The following USP8 variants were observed in gnomAD, a reference collection of about 807,000 sequenced individuals.
The protein encoded by USP8 is ubiquitin carboxyl-terminal hydrolase 8.
USP8 carries 27 observed loss-of-function variants against 130.0 expected under a neutral mutation model. The ratio of observed to expected loss-of-function variants is 0.21; its 90% confidence interval spans 0.15 to 0.29. USP8 has a LOEUF of 0.29. Among genes scored for constraint, USP8 ranks in the 10% least tolerant of loss-of-function variants. USP8 has a pLI of 1.00. For synonymous variants in USP8, 392 were observed against 444.1 expected, an observed-to-expected ratio of 0.88 and a Z score of 1.48; for missense variants, 1,029 against 1,312.2, an observed-to-expected ratio of 0.78 and a Z score of 3.33.
At chr15:50,479,993 T>C (rs1214917248) in intron 10 of USP8, among the ~76,000 whole-genome samples, 1 of 152,158 alleles carries the variant, frequency 6.6e-6, no homozygotes, top group East Asian at 1.9e-4. Context: ...ACTCCTGGCC[T>C]CAAGTGATCT....
rs1267239386 is a variant in USP8, at chr15:50,481,707, T to G, written c.1445T>G (p.Leu482Arg). The change falls in exon 11 of 20, where the codon CTT becomes CGT. Residue 482 changes from leucine (L) to arginine (R), a missense_variant. Transcript: ENST00000307179. ...LMEKNKQEKE[L>R]RERQQEEQKE... The stretch of plus-strand genomic sequence containing the variant: ...GAAAAAAACAAACAAGAAAAAGAAC[T>G]TCGGGAAAGGCAGCAAGAGGAACAG... 6.2e-7 allele frequency: 1 copy of G among 1,610,782 alleles called. No homozygotes were observed. Among genetic ancestry groups the G allele is most frequent in the Non-Finnish European group, 8.5e-7 (1 of 1,179,366 alleles).
Position 50,477,480 on chromosome 15 carries a change from G to C in USP8, c.1199G>C (p.Ser400Thr). Residue 400 changes from serine to threonine, a missense_variant, in exon 10 of 20, where the codon AGT (serine) becomes ACT (threonine). By Grantham distance (58) the Ser-to-Thr change is moderately conservative. This residue lies in a region of USP8 where 486 missense variants were observed against 522.0 expected (regional missense o/e 0.93). Coordinates refer to ENST00000307179, the MANE Select transcript of USP8 (RefSeq NM_005154.5). ...TCACCCATAATTCAGCCAGTGCCTA[G>C]TATAAAGAATGTTCCACAGGTATGT... is the stretch of plus-strand genomic sequence containing the variant. ...DVSPIIQPVP[S>T]IKNVPQIDRT... is the part of the protein sequence containing the mutation. 6.2e-7 allele frequency: 1 copy of C among 1,612,994 alleles called. No individual in the cohort carries two copies. Among genetic ancestry groups the C allele is most frequent in the Non-Finnish European group, 8.5e-7 (1 of 1,179,700 alleles).
chr15:50,491,580 G>C (rs3098177), intron 14 of USP8, among the ~76,000 whole-genome samples: 3 of 151,950 alleles, frequency 2.0e-5, no homozygotes, highest in African/African-American at 7.3e-5. Context: ...CAGGTAAAGA[G>C]GAGCTGATTG....
chr15:50,454,977 G>A (rs761480788), intron 4 of USP8, among the ~76,000 whole-genome samples: 4 of 143,126 alleles, frequency 2.8e-5, no homozygotes, highest in East Asian at 2.4e-4. Context: ...GTCTTTCTGT[G>A]TTGCCCAGGA....
At position 50,436,243 on chromosome 15, in the gene USP8, A is replaced by G. The variant is rs183970049; in HGVS notation, c.-65-2766A>G. ...TCTTTGTTCATTCTATGTAGTGGCT[A>G]ATTCCTAAAGATGTTCTTTACTTTC... On this transcript the variant is annotated intron_variant, in intron 1 of 19. Transcript: ENST00000307179. Among the ~76,000 whole-genome samples the G allele has an allele frequency of 2.9e-3, 439 of 151,898 alleles. 9 individuals are homozygous for G. The highest frequency in any genetic ancestry group is 5.0e-4 in the Non-Finnish European group (34 of 67,962).
rs114283306 is a variant in USP8, at chr15:50,462,490, T to G, written c.541+168T>G. ...CAATTATATTGAAAATGTCTGAGGT[T>G]ATTTTTATGTATTTATCATGGGGGG... is the stretch of plus-strand genomic sequence containing the variant. On this transcript the variant is annotated intron_variant, in intron 6 of 19. Coordinates refer to ENST00000307179, the MANE Select transcript of USP8 (RefSeq NM_005154.5). Among the ~76,000 whole-genome samples, 3,246 of 152,308 alleles carry G rather than the reference T, an allele frequency of 0.021. 105 individuals are homozygous for G. Among genetic ancestry groups the G allele is most frequent in the African/African-American group, 0.073 (3,048 of 41,558 alleles).
chr15:50,426,068 C>T (rs1298921527), intron 1 of USP8, among the ~76,000 whole-genome samples: 1 of 152,148 alleles, frequency 6.6e-6, no homozygotes, highest in African/African-American at 2.4e-5. Context: ...TTGCAGTGAG[C>T]CGAGATTGCG....
In USP8 at chr15:50,469,893, G is replaced by A. The variant is rs549709363; in HGVS notation, c.687-1740G>A. ...TTCACCCAGGCTGGAGTGCAGTGGC[G>A]TGATCTCGGCTCACTGCAACCCCCA... is the stretch of plus-strand genomic sequence containing the variant. On this transcript the variant is annotated intron_variant, in intron 7 of 19. Transcript: ENST00000307179. Among the ~76,000 whole-genome samples, 8 of 149,858 alleles carry A rather than the reference G, an allele frequency of 5.3e-5. No homozygotes were observed. In the East Asian group the frequency reaches 7.9e-4, roughly 15 times the overall value.
rs757553699 is a variant in USP8, at chr15:50,498,547, A to G, written c.3039-49A>G. 2.0e-6 allele frequency: 3 copies of G among 1,537,740 alleles called. No homozygotes were observed. The South Asian group carries it at 3.8e-5, about 20-fold the overall frequency. On this transcript the variant is annotated intron_variant, in intron 18 of 19. Transcript: ENST00000307179. ...TCTAGATGTTAATGAATGAGGATTC[A>G]TCCTGGTATCTTCCTCTGTCAGTGT... is the stretch of plus-strand genomic sequence containing the variant.
At chr15:50,460,669 T>C (rs146166668) in intron 5 of USP8, among the ~76,000 whole-genome samples, 2 of 152,252 alleles carry the variant, frequency 1.3e-5, no homozygotes, top group East Asian at 3.9e-4. Context: ...ACATCATCTC[T>C]TTGCTAAAAG....
At position 50,439,121 on chromosome 15, in the gene USP8, A is replaced by C. The variant is rs768935653; in HGVS notation, c.48A>C (p.Ser16=). The C allele has an allele frequency of 2.5e-6, 4 of 1,597,506 alleles. No homozygotes were observed. In the East Asian group the frequency reaches 6.8e-5, roughly 27 times the overall value. The part of the protein sequence containing the change: ...SVPKELYLSS[S]LKDLNKKTEV... Reference sequence around the variant, plus strand: ...CTAAAGAACTCTACCTCAGTTCTTCACTAAAAGACCTTAATAAGAAGACAG... The same window carrying C: ...CTAAAGAACTCTACCTCAGTTCTTCCCTAAAAGACCTTAATAAGAAGACAG... Residue 16 remains serine, a synonymous_variant, in exon 2 of 20, where the codon TCA becomes TCC. Coordinates refer to ENST00000307179, the MANE Select transcript of USP8 (RefSeq NM_005154.5).
chr15:50,445,097 CCCAGCCTCT>C (rs759092651), intron 3 of USP8, among the ~76,000 whole-genome samples: 29 of 151,946 alleles, frequency 1.9e-4, no homozygotes, highest in Non-Finnish European at 3.8e-4. Context: ...TTTTCTGTAG[CCCAGCCTCT>C]CTAGTGTACT....
At chr15:50,438,973 G>T in intron 1 of USP8, 36 bp from the exon 2 acceptor site, 1 of 859,438 alleles carries the variant, frequency 1.2e-6, no homozygotes. Context: ...TATTGTGAAT[G>T]AGGAAAATTA....
Position 50,500,551 on chromosome 15 carries a change from A to AATG in USP8, c.*1467_*1469dup. Reference sequence around the variant, plus strand: ...CATGCCCACAAGGCATAAAAATGTTAATGATGCAAGTAAGTTCTAAGAGTT... The same window carrying AATG: ...CATGCCCACAAGGCATAAAAATGTTAATGATGATGCAAGTAAGTTCTAAGAGTT... On this transcript the variant is annotated 3_prime_UTR_variant, in exon 20 of 20. Coordinates refer to ENST00000307179, the MANE Select transcript of USP8 (RefSeq NM_005154.5). 2.1e-6 allele frequency: 1 copy of AATG among 477,732 alleles called. No individual in the cohort carries two copies. Among genetic ancestry groups the AATG allele is most frequent in the East Asian group, 3.4e-5 (1 of 29,144 alleles). The allele number at this position is 477,732 out of a possible 1,614,324, so 29.6% of individuals were successfully genotyped here. A position where few individuals can be genotyped will look rare whatever the true frequency, so the allele number is the denominator to read the frequency against.
chr15:50,499,270 C>G lies in USP8; in HGVS notation c.*182C>G, dbSNP rs1001445631. 6.5e-6 allele frequency: 3 copies of G among 461,244 alleles called. No individual in the cohort carries two copies. In the Admixed American group the frequency reaches 1.3e-4, roughly 19 times the overall value. 28.6% of individuals were successfully genotyped at this position (461,244 alleles called of 1,614,324 possible). A position where few individuals can be genotyped will look rare whatever the true frequency, so the allele number is the denominator to read the frequency against. On this transcript the variant is annotated 3_prime_UTR_variant, in exon 20 of 20. Coordinates refer to ENST00000307179, the MANE Select transcript of USP8 (RefSeq NM_005154.5). ...GACAAATAACATTTAACAAGTATTGCAGTAATCATCACTTACAGGTACCAT... is the reference window on the plus strand; with the variant it reads ...GACAAATAACATTTAACAAGTATTGGAGTAATCATCACTTACAGGTACCAT...
rs1374056353 is a variant in USP8, at chr15:50,508,564, C to T, written c.*9476C>T. 1 of 151,874 alleles carries T rather than the reference C, an allele frequency of 6.6e-6. No individual in the cohort carries two copies. The highest frequency in any genetic ancestry group is 1.5e-5 in the Non-Finnish European group (1 of 67,952). The allele number at this position is 151,874 out of a possible 1,614,324, so 9.4% of individuals were successfully genotyped here. On this transcript the variant is annotated 3_prime_UTR_variant, in exon 20 of 20. Coordinates refer to ENST00000307179, the MANE Select transcript of USP8 (RefSeq NM_005154.5). ...AATACACTGGACACTCAGTTTAAAA[C>T]ATTAAAACATAACAGAATAAACCCT...
At position 50,455,074 on chromosome 15, in the gene USP8, T is replaced by C. The variant is rs2050750378; in HGVS notation, c.336-3926T>C. 2.1e-5 allele frequency among the ~76,000 whole-genome samples: 3 copies of C among 145,426 alleles called. No homozygotes were observed. The South Asian group carries it at 7.2e-4, about 35-fold the overall frequency. The stretch of plus-strand genomic sequence containing the variant: ...TTTTTTCAGTTATATGTTTCAATTC[T>C]AGAATTTCTTCCTTTTTTTGAGACA... On this transcript the variant is annotated intron_variant, in intron 4 of 19. Transcript: ENST00000307179.
At chr15:50,471,403 TTA>T (rs2051370908) in intron 7 of USP8, among the ~76,000 whole-genome samples, 1 of 152,208 alleles carries the variant, frequency 6.6e-6, no homozygotes, top group Non-Finnish European at 1.5e-5. Flanking sequence ...CAGTCTTCTT[TTA>T]TAGTCTCTAA....
chr15:50,452,897 G>A (rs1447525046), intron 4 of USP8, among the ~76,000 whole-genome samples: 33 of 152,114 alleles, frequency 2.2e-4, no homozygotes, highest in Admixed American at 2.0e-3. Context: ...AACACCTTTC[G>A]TCCTGGCACT....
Sources: allele counts gnomAD v4.1 joint callset (sites outside exome capture counted in the v4.1 genomes callset), GRCh38; gene constraint gnomAD v4.1.1; regional missense constraint gnomAD v4.1.1; transcripts MANE v1.5; gene names NCBI Gene and HGNC (gene_info 2026-07-23, HGNC 2026-07-21).